Variants in DOCK7 observed in about 807,000 individuals in gnomAD.
DOCK7 encodes dedicator of cytokinesis 7, also known as dedicator of cytokinesis protein 7.
In DOCK7, 138 loss-of-function variants were observed where a neutral mutation model predicts 271.0. The ratio of observed to expected loss-of-function variants is 0.51; its 90% CI spans 0.44 to 0.59. The LOEUF is 0.59. Among genes scored for constraint, DOCK7 ranks in the 20% least tolerant of loss-of-function variants. The probability of loss-of-function intolerance (pLI) is 0.00; values close to 1 mark genes in which losing one functional copy is unlikely to be tolerated. For missense variants in DOCK7, 2,066 were observed against 2,592.4 expected, an observed-to-expected ratio of 0.80 and a Z score of 4.41; for synonymous variants, 823 against 876.1, an observed-to-expected ratio of 0.94 and a Z score of 1.07.
rs796388450 is a variant in DOCK7, at chr1:62,688,322, C to T, written c.-58G>A. On this transcript the variant is annotated 5_prime_UTR_variant, in exon 1 of 50. Coordinates refer to ENST00000635253, the MANE Select transcript of DOCK7 (RefSeq NM_001367561.1). ...CTGCGGCGGGCCGGGTGCGGACCGG[C>T]GGGCGCGTGCCTCCTCGCTCGTGCT... is the stretch of plus-strand genomic sequence containing the variant. The T allele has an allele frequency of 2.9e-5, 33 of 1,126,794 alleles. No homozygotes were observed. Among genetic ancestry groups the T allele is most frequent in the Non-Finnish European group, 3.6e-5 (33 of 904,374 alleles). 69.8% of individuals were successfully genotyped at this position (1,126,794 alleles called of 1,614,324 possible).
chr1:62,636,734 A>C, intron 7 of DOCK7, 131 bp from the exon 8 acceptor site: 1 of 676,102 alleles, frequency 1.5e-6, no homozygotes. Context: ...CCTATATTAA[A>C]ACTTCTTCTT....
At chr1:62,663,227 T>A in intron 1 of DOCK7, 97 bp from the exon 2 acceptor site, 2 of 944,872 alleles carry the variant, frequency 2.1e-6, no homozygotes, top group East Asian at 2.4e-5. Flanking sequence ...AAGATTCATT[T>A]AAAGAAAAAC....
rs12129899 is a variant in DOCK7 at position 62,554,804 on chromosome 1, G to A, written c.2596+1021C>T. Reference sequence around the variant, plus strand: ...ATCACTCACACATTCATGTCCTCAAGTGGTATAATTTTAAAAATTAACATA... The same window carrying A: ...ATCACTCACACATTCATGTCCTCAAATGGTATAATTTTAAAAATTAACATA... On this transcript the variant is annotated intron_variant, in intron 21 of 49. Coordinates refer to ENST00000635253, the MANE Select transcript of DOCK7 (RefSeq NM_001367561.1). Among the ~76,000 whole-genome samples, 1,438 of 152,226 alleles carry A rather than the reference G, an allele frequency of 9.4e-3. 11 individuals are homozygous for A. Among genetic ancestry groups the A allele is most frequent in the Non-Finnish European group, 0.016 (1,108 of 68,014 alleles).
At chr1:62,672,193 A>G (rs541538640) in intron 1 of DOCK7, among the ~76,000 whole-genome samples, 2 of 152,248 alleles carry the variant, frequency 1.3e-5, no homozygotes, top group African/African-American at 4.8e-5. Flanking sequence ...ATCATTACAT[A>G]TATAAGAAAT....
At chr1:62,625,213 T>G in intron 12 of DOCK7, 46 bp downstream of exon 12, 2 of 1,600,136 alleles carry the variant, frequency 1.2e-6, no homozygotes, top group South Asian at 1.1e-5. Flanking sequence ...TTAAAAAAAT[T>G]TATGCACAAA....
intron 43 of DOCK7, chr1:62,487,031 A>G (rs1197681662): frequency 6.0e-6 from 1 of 165,484 alleles, no homozygotes; most frequent in Non-Finnish European, 1.3e-5. Context: ...CCTCTGAGCA[A>G]TAACACATAA....
intron 33 of DOCK7, 194 bp from the exon 34 acceptor site, chr1:62,510,867 CTATATGCAG>C (rs986351474): frequency 6.4e-6 from 3 of 470,968 alleles, no homozygotes; most frequent in African/African-American, 6.0e-5. Flanking sequence ...AATGTACTTG[CTATATGCAG>C]TATCTTTTCT....
intron 37 of DOCK7, among the ~76,000 whole-genome samples, chr1:62,501,112 C>T (rs1413194832): frequency 6.6e-6 from 1 of 152,108 alleles, no homozygotes; most frequent in Admixed American, 6.5e-5. Context: ...CTTTGGAAGG[C>T]CGTGCAGGGA....
intron 48 of DOCK7, among the ~76,000 whole-genome samples, chr1:62,473,086 G>A (rs957319357): frequency 6.6e-6 from 1 of 152,126 alleles, no homozygotes; most frequent in Admixed American, 6.5e-5. Flanking sequence ...ACTATATGCT[G>A]AGTCCTGTGA....
intron 18 of DOCK7, among the ~76,000 whole-genome samples, chr1:62,566,094 G>A (rs1335145964): frequency 2.6e-5 from 4 of 152,144 alleles, no homozygotes; most frequent in African/African-American, 9.7e-5. Context: ...TCATGGATAG[G>A]AAGAATCAGT....
chr1:62,492,528 T>C, intron 41 of DOCK7, 176 bp downstream of exon 41: 1 of 646,642 alleles, frequency 1.5e-6, no homozygotes, highest in Non-Finnish European at 2.6e-6. Flanking sequence ...ATTCAAGCAA[T>C]CCTCCCGTCT....
chr1:62,470,878 T>A (rs567939053), intron 48 of DOCK7, among the ~76,000 whole-genome samples: 6 of 152,020 alleles, frequency 3.9e-5, no homozygotes, highest in Admixed American at 3.9e-4. Context: ...AAAATTATGA[T>A]GTCTGTAAAG....
intron 14 of DOCK7, among the ~76,000 whole-genome samples, chr1:62,617,630 A>G (rs1431395899): frequency 1.3e-5 from 2 of 152,050 alleles, no homozygotes; most frequent in East Asian, 1.9e-4. Flanking sequence ...GAAGTAAAAT[A>G]TCTCAATAAT....
chr1:62,558,004 C>T (rs906107197), intron 20 of DOCK7, among the ~76,000 whole-genome samples: 8 of 152,102 alleles, frequency 5.3e-5, no homozygotes, highest in African/African-American at 1.9e-4. Flanking sequence ...TCTAGTCAAA[C>T]TTGGTCATGT....
At chr1:62,654,777 C>A (rs752982031) in intron 2 of DOCK7, among the ~76,000 whole-genome samples, 2 of 152,098 alleles carry the variant, frequency 1.3e-5, no homozygotes, top group Non-Finnish European at 2.9e-5. Context: ...TCACATATAT[C>A]CTCATGAGGA....
chr1:62,471,297 C>T (rs1039021724), intron 48 of DOCK7, among the ~76,000 whole-genome samples: 3 of 152,120 alleles, frequency 2.0e-5, no homozygotes, highest in Non-Finnish European at 2.9e-5. Context: ...AGCACCCCAA[C>T]CTCTGTGTTG....
intron 14 of DOCK7, chr1:62,604,210 C>T (rs1295406757): frequency 1.9e-6 from 3 of 1,613,186 alleles, no homozygotes; most frequent in South Asian, 1.1e-5. Context: ...CAAAAGGACA[C>T]TTCAACTGTC....
chr1:62,679,711 A>G (rs1331711961), intron 1 of DOCK7, among the ~76,000 whole-genome samples: 3 of 152,212 alleles, frequency 2.0e-5, no homozygotes, highest in Non-Finnish European at 2.9e-5. Flanking sequence ...ACCACTTTAG[A>G]AAACAGTTTG....
chr1:62,559,365 A>C (rs964097791), intron 19 of DOCK7, 145 bp from the exon 20 acceptor site: 9 of 552,996 alleles, frequency 1.6e-5, no homozygotes, highest in Non-Finnish European at 2.8e-5. Flanking sequence ...TTCCAATTAA[A>C]CAAATCTATT....
Sources: gnomAD v4.1 joint callset for allele counts (sites outside exome capture counted in the v4.1 genomes callset) on GRCh38, gnomAD v4.1.1 for gene constraint, MANE v1.5 for transcripts, NCBI Gene and HGNC (gene_info 2026-07-23, HGNC 2026-07-21) for gene names.